Variants in HEY1 observed in about 807,000 individuals in gnomAD.
HEY1 encodes hes related family bHLH transcription factor with YRPW motif 1, also known as hairy/enhancer-of-split related with YRPW motif protein 1.
HEY1 carries 9 observed loss-of-function variants against 28.7 expected under a neutral mutation model. The observed-to-expected ratio is 0.31, with a 90% CI of 0.19 to 0.55. The LOEUF (loss-of-function observed/expected upper bound fraction) is 0.55. Ranked by LOEUF, HEY1 falls within the 20% of genes least tolerant of loss-of-function variation. The pLI, the probability that HEY1 is intolerant of heterozygous loss-of-function variation, is 0.93. For synonymous variants in HEY1, 213 were observed against 175.6 expected, an observed-to-expected ratio of 1.21 and a Z score of -1.68; for missense variants, 385 against 399.4, an observed-to-expected ratio of 0.96 and a Z score of 0.31.
chr8:79,767,478 G>A, intron 1 of HEY1, 97 bp downstream of exon 1: 2 of 1,277,146 alleles, frequency 1.6e-6, no homozygotes, highest in South Asian at 1.3e-5. Context: ...TCAGCGCAGG[G>A]CACCGGCGCG....
rs950253047 is a variant in HEY1, at chr8:79,765,242, A to G, written c.861T>C (p.Ala287=). The G allele has an allele frequency of 1.9e-6, 3 of 1,553,728 alleles. No individual in the cohort carries two copies. Among genetic ancestry groups the G allele is most frequent in the East Asian group, 4.8e-5 (2 of 41,354 alleles). ...GTCTATAGGGCTTGCCAAGGTTTGC[A>G]GCCTGCGTGGGTGCTGAAGGGCTCA... is the stretch of plus-strand genomic sequence containing the variant. ...NALSPSAPTQ[A]ANLGKPYRPW... is the part of the protein sequence containing the mutation. The change falls in exon 5 of 5, where the codon GCT becomes GCC. Residue 287 remains alanine, a synonymous_variant. Transcript: ENST00000354724.
chr8:79,767,112 CAAAG>C lies in HEY1; in HGVS notation c.166-24_166-21del. 6.2e-7 allele frequency: 1 copy of C among 1,604,938 alleles called. No homozygotes were observed. Among genetic ancestry groups the C allele is most frequent in the Non-Finnish European group, 8.5e-7 (1 of 1,172,196 alleles). ...AATTATCTGCAGAAGGCAAGCAAAACAAAGGAAGGCATTACCATTACGACTGTAA... is the reference window on the plus strand; with the variant it reads ...AATTATCTGCAGAAGGCAAGCAAAACGAAGGCATTACCATTACGACTGTAA... On this transcript the variant is annotated intron_variant, in intron 2 of 4. Coordinates refer to ENST00000354724, the MANE Select transcript of HEY1 (RefSeq NM_012258.4).
chr8:79,767,501 G>T, intron 1 of HEY1, 74 bp downstream of exon 1: 2 of 1,439,062 alleles, frequency 1.4e-6, no homozygotes, highest in Non-Finnish European at 9.6e-7. Context: ...AAGGGTCCTA[G>T]CCCGCTGTCA....
intron 1 of HEY1, 136 bp downstream of exon 1, chr8:79,767,439 G>A (rs2130491946): frequency 8.8e-7 from 1 of 1,134,174 alleles, no homozygotes; most frequent in East Asian, 2.4e-5. Context: ...CCTGGCCGCA[G>A]GCTGCCGCCA....
chr8:79,767,054 A>C lies in HEY1; in HGVS notation c.204T>G (p.Ser68Arg). 1 of 1,614,042 alleles carries C rather than the reference A, an allele frequency of 6.2e-7. No homozygotes were observed. Among genetic ancestry groups the C allele is most frequent in the Non-Finnish European group, 8.5e-7 (1 of 1,179,998 alleles). ...GTACCAGCCTTCTCAGCTCAGACAAACTGTTATTGATCCGGTCTCGTCGGC... is the reference window on the plus strand; with the variant it reads ...GTACCAGCCTTCTCAGCTCAGACAACCTGTTATTGATCCGGTCTCGTCGGC... ...EKRRRDRINN[S>R]LSELRRLVPS... Residue 68 changes from serine to arginine, a missense_variant, in exon 3 of 5, where the codon AGT becomes AGG. Around this residue, in one of 3 missense-constraint regions of HEY1, gnomAD observed 83 missense variants for 122.7 expected, o/e 0.68. Transcript: ENST00000354724.
At position 79,767,199 on chromosome 8, in the gene HEY1, G is replaced by A; in HGVS notation, c.165+20C>T. ...CGTTAATCAATAACAAAAATAAAAGGAGAGTGTAAAGAGACTCACTCCTCT... is the reference window on the plus strand; with the variant it reads ...CGTTAATCAATAACAAAAATAAAAGAAGAGTGTAAAGAGACTCACTCCTCT... On this transcript the variant is annotated intron_variant, in intron 2 of 4. Coordinates refer to ENST00000354724, the MANE Select transcript of HEY1 (RefSeq NM_012258.4). 4 of 1,602,416 alleles carry A rather than the reference G, an allele frequency of 2.5e-6. No individual in the cohort carries two copies. The highest frequency in any genetic ancestry group is 1.1e-5 in the South Asian group (1 of 89,998).
rs1807878417 is a variant in HEY1, at chr8:79,767,569, G to A, written c.89+6C>T. On this transcript the variant is annotated splice_donor_region_variant and intron_variant, in intron 1 of 4. Coordinates refer to ENST00000354724, the MANE Select transcript of HEY1 (RefSeq NM_012258.4). ...GCTCGGCTCCGCTCCGCCGCCGCCA[G>A]CTCACCCATTCTCGTCCGCACTCTC... 6.2e-7 allele frequency: 1 copy of A among 1,600,502 alleles called. No homozygotes were observed. The highest frequency in any genetic ancestry group is 8.5e-7 in the Non-Finnish European group (1 of 1,174,796).
At position 79,764,057 on chromosome 8, in the gene HEY1, G is replaced by A. The variant is rs1807767681; in HGVS notation, c.*1131C>T. The A allele has an allele frequency of 5.4e-6, 1 of 184,282 alleles. No homozygotes were observed. Among genetic ancestry groups the A allele is most frequent in the African/African-American group, 2.4e-5 (1 of 42,542 alleles). The allele number at this position is 184,282 out of a possible 1,614,324, so 11.4% of individuals were successfully genotyped here. ...TTAGTCACAACACATCAGTACAACA[G>A]AGGTCAAACCCAGTTCAGTGGAGGT... On this transcript the variant is annotated 3_prime_UTR_variant, in exon 5 of 5. Transcript: ENST00000354724.
chr8:79,766,254 C>A (rs1359475305), intron 4 of HEY1: 6 of 1,531,238 alleles, frequency 3.9e-6, no homozygotes, highest in Non-Finnish European at 5.2e-6. Context: ...TTTCTTTCCT[C>A]AAGAGGCATG....
chr8:79,766,972 T>C lies in HEY1; in HGVS notation c.249+37A>G, dbSNP rs75113763. The C allele has an allele frequency of 1.4e-3, 2,110 of 1,538,290 alleles. 23 individuals are homozygous for C. The African/African-American group carries it at 0.026, about 19-fold the overall frequency. On this transcript the variant is annotated intron_variant, in intron 3 of 4. Coordinates refer to ENST00000354724, the MANE Select transcript of HEY1 (RefSeq NM_012258.4). ...GAGGGGAAGATTCAGAAGGTGCAGATAGCTATGCTGAGAGCTTTACCTACT... is the reference window on the plus strand; with the variant it reads ...GAGGGGAAGATTCAGAAGGTGCAGACAGCTATGCTGAGAGCTTTACCTACT...
chr8:79,766,479 G>A, intron 4 of HEY1, 172 bp downstream of exon 4: 2 of 1,503,850 alleles, frequency 1.3e-6, no homozygotes, highest in Non-Finnish European at 1.8e-6. Flanking sequence ...ATTCACTGGA[G>A]AAGATTCTAT....
Position 79,764,320 on chromosome 8 carries a change from C to T in HEY1, c.*868G>A, listed in dbSNP as rs1807774990. The T allele has an allele frequency of 8.8e-6, 2 of 226,206 alleles. No homozygotes were observed. The highest frequency in any genetic ancestry group is 3.7e-4 in the South Asian group (2 of 5,470). 14.0% of individuals were successfully genotyped at this position (226,206 alleles called of 1,614,324 possible). A position where few individuals can be genotyped will look rare whatever the true frequency, so the allele number is the denominator to read the frequency against. On this transcript the variant is annotated 3_prime_UTR_variant, in exon 5 of 5. Transcript: ENST00000354724. ...TTCCACTGTACTACTCAATTGACCA[C>T]TCGCACACCATGATCACTTATCCAT...
intron 2 of HEY1, 40 bp from the exon 3 acceptor site, chr8:79,767,132 A>G: frequency 2.5e-6 from 4 of 1,587,968 alleles, no homozygotes; most frequent in Non-Finnish European, 3.5e-6. Flanking sequence ...CATTACCATT[A>G]CGACTGTAAA....
chr8:79,765,542 G>A lies in HEY1; in HGVS notation c.561C>T (p.His187=), dbSNP rs113346919. The A allele has an allele frequency of 1.3e-5, 21 of 1,613,966 alleles. No individual in the cohort carries two copies. In the African/African-American group the frequency reaches 2.7e-4, roughly 20 times the overall value. ...GCAACAGCGGGTGCGCGATGTGCGG[G>A]TGATGTCCGAAGACGGTCCCCCAGG... is the stretch of plus-strand genomic sequence containing the variant. ...HIPWGTVFGH[H]PHIAHPLLLP... Residue 187 remains histidine, a synonymous_variant, in exon 5 of 5, where the codon CAC becomes CAT. Transcript: ENST00000354724.
In HEY1 at chr8:79,764,247, A is replaced by G. The variant is rs1190736697; in HGVS notation, c.*941T>C. ...AAACTCACATAAAAATTTCCAGTTAAAAGAAAATATGGCAGTCCCAGGAAA... is the reference window on the plus strand; with the variant it reads ...AAACTCACATAAAAATTTCCAGTTAGAAGAAAATATGGCAGTCCCAGGAAA... On this transcript the variant is annotated 3_prime_UTR_variant, in exon 5 of 5. Transcript: ENST00000354724. 4.5e-6 allele frequency: 1 copy of G among 223,074 alleles called. No individual in the cohort carries two copies. Among genetic ancestry groups the G allele is most frequent in the East Asian group, 6.5e-5 (1 of 15,288 alleles). The allele number at this position is 223,074 out of a possible 1,614,324, so 13.8% of individuals were successfully genotyped here.
At position 79,767,733 on chromosome 8, in the gene HEY1, T is replaced by C; in HGVS notation, c.-70A>G. ...GGGAGGAGTTAACTACAGCGGCGCCTCTCCGCTCTCGGCTGCTTGCGTTCC... is the reference window on the plus strand; with the variant it reads ...GGGAGGAGTTAACTACAGCGGCGCCCCTCCGCTCTCGGCTGCTTGCGTTCC... On this transcript the variant is annotated 5_prime_UTR_variant, in exon 1 of 5. Coordinates refer to ENST00000354724, the MANE Select transcript of HEY1 (RefSeq NM_012258.4). 1.8e-6 allele frequency: 2 copies of C among 1,121,144 alleles called. No individual in the cohort carries two copies. Among genetic ancestry groups the C allele is most frequent in the Non-Finnish European group, 2.6e-6 (2 of 766,278 alleles). The allele number at this position is 1,121,144 out of a possible 1,614,324, so 69.4% of individuals were successfully genotyped here. A position where few individuals can be genotyped will look rare whatever the true frequency, so the allele number is the denominator to read the frequency against.
rs760458183 is a variant in HEY1, at chr8:79,767,681, T to C, written c.-18A>G. 1 of 1,574,882 alleles carries C rather than the reference T, an allele frequency of 6.3e-7. No individual in the cohort carries two copies. Among genetic ancestry groups the C allele is most frequent in the Non-Finnish European group, 8.6e-7 (1 of 1,160,488 alleles). Reference sequence around the variant, plus strand: ...CGCTTCATGCTGGCTCCCTGGGGGTTCCTGGGGAGGGTCGGCGCGGCGGGC... The same window carrying C: ...CGCTTCATGCTGGCTCCCTGGGGGTCCCTGGGGAGGGTCGGCGCGGCGGGC... On this transcript the variant is annotated 5_prime_UTR_variant, in exon 1 of 5. Coordinates refer to ENST00000354724, the MANE Select transcript of HEY1 (RefSeq NM_012258.4).
chr8:79,766,244 T>C (rs891583532), intron 4 of HEY1: 6 of 1,532,890 alleles, frequency 3.9e-6, no homozygotes, highest in Middle Eastern at 1.7e-4. Flanking sequence ...CCAGAATACA[T>C]TTCTTTCCTC....
At chr8:79,767,475 A>G in intron 1 of HEY1, 100 bp downstream of exon 1, 1 of 1,260,158 alleles carries the variant, frequency 7.9e-7, no homozygotes, top group Non-Finnish European at 1.1e-6. Flanking sequence ...AGGTCAGCGC[A>G]GGGCACCGGC....
Sources: gnomAD v4.1 joint callset for allele counts on GRCh38, gnomAD v4.1.1 for gene constraint, gnomAD v4.1.1 regional missense constraint, MANE v1.5 for transcripts, NCBI Gene and HGNC (gene_info 2026-07-23, HGNC 2026-07-21) for gene names.